The following JUP variants were observed in gnomAD, a reference collection of about 807,000 sequenced individuals.
JUP encodes the protein junction plakoglobin.
A neutral mutation model predicts 71.1 loss-of-function variants in JUP; 28 were observed. The ratio of observed to expected loss-of-function variants is 0.39; its 90% CI spans 0.29 to 0.54. The LOEUF (loss-of-function observed/expected upper bound fraction) is 0.54, where lower values mean the gene tolerates loss of function less well. Among genes scored for constraint, JUP ranks in the 20% least tolerant of loss-of-function variants. The pLI, the probability that JUP is intolerant of heterozygous loss-of-function variation, is 0.62. For missense variants in JUP, 869 were observed against 1,030.1 expected, an observed-to-expected ratio of 0.84 and a Z score of 2.14; for synonymous variants, 401 against 438.9, an observed-to-expected ratio of 0.91 and a Z score of 1.08.
intron 13 of JUP, 97 bp downstream of exon 13, chr17:41,756,078 G>T: frequency 7.3e-7 from 1 of 1,374,086 alleles, no homozygotes; most frequent in South Asian, 1.2e-5. Context: ...AGTTGCCACT[G>T]GTCCTCTGGC....
At chr17:41,774,871 G>A (rs1917205594) in intron 1 of JUP, among the ~76,000 whole-genome samples, 1 of 151,898 alleles carries the variant, frequency 6.6e-6, no homozygotes, top group Admixed American at 6.6e-5. Context: ...GGGAGGCCAA[G>A]GCGGGCAGAT....
chr17:41,761,325 A>C (rs1038990959), intron 8 of JUP, among the ~76,000 whole-genome samples: 3 of 152,140 alleles, frequency 2.0e-5, no homozygotes, highest in Non-Finnish European at 4.4e-5. Context: ...TGGCTGAATG[A>C]CCAAGTTCTG....
chr17:41,756,311 G>C, intron 12 of JUP, 97 bp from the exon 13 acceptor site: 1 of 1,283,504 alleles, frequency 7.8e-7, no homozygotes, highest in Non-Finnish European at 1.1e-6. Flanking sequence ...TCTAAAAGAG[G>C]GGGCCAGGCT....
intron 4 of JUP, among the ~76,000 whole-genome samples, 158 bp downstream of exon 4, chr17:41,768,811 C>T (rs1916108428): frequency 6.6e-6 from 1 of 152,176 alleles, no homozygotes; most frequent in Non-Finnish European, 1.5e-5. Flanking sequence ...TGCCTGTGTT[C>T]CCTGCTGGGC....
chr17:41,769,308 G>GGA (rs1567818882), intron 3 of JUP, 101 bp from the exon 4 acceptor site: 1 of 1,557,698 alleles, frequency 6.4e-7, no homozygotes, highest in Admixed American at 1.7e-5. Flanking sequence ...ATCACACACG[G>GGA]GAGAGTCTGG....
chr17:41,765,678 T>C (rs1915606557), intron 5 of JUP, among the ~76,000 whole-genome samples: 1 of 152,124 alleles, frequency 6.6e-6, no homozygotes, highest in Non-Finnish European at 1.5e-5. Flanking sequence ...ATGACTGTTA[T>C]GTAAGCCAAA....
rs201959663 is a variant in JUP, at chr17:41,757,620, C to A, written c.1924+14G>T. ...GGGGAGTGGGACCCAGCCTCCTGCC[C>A]TCCCCCAGCTCACCAGTGCCCTCGT... On this transcript the variant is annotated intron_variant, in intron 11 of 13. Coordinates refer to ENST00000393931, the MANE Select transcript of JUP (RefSeq NM_002230.4). The A allele has an allele frequency of 2.5e-5, 41 of 1,613,708 alleles. No homozygotes were observed. The highest frequency in any genetic ancestry group is 3.2e-5 in the Non-Finnish European group (38 of 1,179,880).
At chr17:41,767,282 T>A in intron 5 of JUP, 97 bp downstream of exon 5, 1 of 957,936 alleles carries the variant, frequency 1.0e-6, no homozygotes, top group Non-Finnish European at 1.7e-6. Flanking sequence ...CTATATCTCA[T>A]CTAAAAGGAG....
At chr17:41,780,485 G>A (rs1157709154) in intron 1 of JUP, among the ~76,000 whole-genome samples, 2 of 151,454 alleles carry the variant, frequency 1.3e-5, no homozygotes, top group African/African-American at 2.4e-5. Context: ...CTTGAGGTCA[G>A]GAATTCAAGA....
intron 1 of JUP, among the ~76,000 whole-genome samples, chr17:41,784,270 G>C (rs2047337357): frequency 6.6e-6 from 1 of 151,990 alleles, no homozygotes; most frequent in African/African-American, 2.4e-5. Context: ...AGCCCAAACA[G>C]AGGCTCCAGA....
chr17:41,783,647 G>A (rs1352157432), intron 1 of JUP, among the ~76,000 whole-genome samples: 1 of 151,858 alleles, frequency 6.6e-6, no homozygotes, highest in Non-Finnish European at 1.5e-5. Flanking sequence ...TGGGCCAGGT[G>A]AGGTGGCTCA....
At chr17:41,782,617 C>T (rs1429441297) in intron 1 of JUP, among the ~76,000 whole-genome samples, 3 of 152,110 alleles carry the variant, frequency 2.0e-5, no homozygotes, top group African/African-American at 7.2e-5. Context: ...TCACCACAGC[C>T]CTGGCCTTGG....
intron 1 of JUP, among the ~76,000 whole-genome samples, chr17:41,776,440 G>A (rs1410252882): frequency 2.0e-5 from 3 of 152,250 alleles, no homozygotes; most frequent in Admixed American, 2.0e-4. Flanking sequence ...AAGCCAGCTG[G>A]CGCAGTGGCT....
At chr17:41,757,890 A>G in intron 10 of JUP, 106 bp from the exon 11 acceptor site, 1 of 968,904 alleles carries the variant, frequency 1.0e-6, no homozygotes, top group Non-Finnish European at 1.5e-6. Context: ...GCAATTCCAT[A>G]GTGGAAAATG....
intron 1 of JUP, among the ~76,000 whole-genome samples, chr17:41,784,686 G>A (rs888388582): frequency 2.6e-5 from 4 of 152,032 alleles, no homozygotes; most frequent in Admixed American, 6.6e-5. Context: ...CCTAGCACAG[G>A]GCTGAGCGTG....
intron 1 of JUP, chr17:41,772,196 G>A (rs1319771351): frequency 4.7e-6 from 2 of 421,674 alleles, no homozygotes; most frequent in Non-Finnish European, 8.9e-6. Context: ...CACGCACCTT[G>A]CTGCCCTGAC....
At chr17:41,784,387 T>C (rs1251206097) in intron 1 of JUP, among the ~76,000 whole-genome samples, 3 of 152,102 alleles carry the variant, frequency 2.0e-5, no homozygotes, top group Non-Finnish European at 4.4e-5. Context: ...AACTGGGTCC[T>C]ACCTTCTCCT....
rs782460555 is a variant in JUP, at chr17:41,771,784, G to A, written c.71C>T (p.Ser24Leu). The change falls in exon 2 of 14, where the codon TCG (serine) becomes TTG (leucine). Residue 24 changes from serine (S) to leucine (L), a missense_variant. Physicochemically the swap from Ser to Leu is moderately radical, Grantham distance 145. Coordinates refer to ENST00000393931, the MANE Select transcript of JUP (RefSeq NM_002230.4). ...TEWQQTYTYD[S>L]GIHSGANTCV... ...GGTGTTGGCGCCCGAGTGGATACCC[G>A]AGTCGTAGGTGTATGTCTGCTGCCA... 3.7e-6 allele frequency: 6 copies of A among 1,613,926 alleles called. No individual in the cohort carries two copies. The highest frequency in any genetic ancestry group is 2.2e-5 in the East Asian group (1 of 44,876).
chr17:41,771,157 G>A (rs1349972152), intron 2 of JUP, among the ~76,000 whole-genome samples: 4 of 152,158 alleles, frequency 2.6e-5, no homozygotes, highest in Non-Finnish European at 5.9e-5. Flanking sequence ...AGCCTCCCAA[G>A]TAGCTGGGAC....
Sources: gnomAD v4.1 joint callset for allele counts (sites outside exome capture counted in the v4.1 genomes callset) on GRCh38, gnomAD v4.1.1 for gene constraint, MANE v1.5 for transcripts, NCBI Gene and HGNC (gene_info 2026-07-23, HGNC 2026-07-21) for gene names.